GABRG3: variants seen among roughly 807,000 people sequenced by gnomAD.
GABRG3 encodes gamma-aminobutyric acid receptor subunit gamma-3.
A neutral mutation model predicts 48.8 loss-of-function variants in GABRG3; 25 were observed. The observed-to-expected ratio is 0.51, with a 90% CI of 0.37 to 0.72. The LOEUF is 0.72. GABRG3 is among the 30% of genes least tolerant of loss of function. GABRG3 has a pLI of 0.00. For missense variants in GABRG3, 394 were observed against 577.9 expected (o/e 0.68, Z 3.26); for synonymous variants, 227 against 217.6 (o/e 1.04, Z -0.38).
chr15:27,452,490 T>G (rs1289217441), intron 5 of GABRG3, among the ~76,000 whole-genome samples: 6 of 152,322 alleles, frequency 3.9e-5, no homozygotes, highest in Admixed American at 2.6e-4. Flanking sequence ...TACTGTTGAC[T>G]GAGAGCCCTA....
intron 3 of GABRG3, among the ~76,000 whole-genome samples, chr15:27,305,121 G>A (rs115927555): frequency 0.016 from 2,401 of 151,846 alleles, 71 homozygotes; most frequent in African/African-American, 0.056. Context: ...TATGGTGTAA[G>A]GCAACAGTCC....
At chr15:27,091,285 C>T (rs544115849) in intron 3 of GABRG3, among the ~76,000 whole-genome samples, 1 of 152,204 alleles carries the variant, frequency 6.6e-6, no homozygotes, top group Admixed American at 6.5e-5. Context: ...ATTGCATTAA[C>T]TTTTTGTATA....
intron 3 of GABRG3, among the ~76,000 whole-genome samples, chr15:27,050,580 A>G (rs1896439849): frequency 6.6e-6 from 1 of 152,182 alleles, no homozygotes; most frequent in Non-Finnish European, 1.5e-5. Flanking sequence ...TGCCCAGGAG[A>G]ACAAGATTTC....
chr15:27,540,689 G>A lies in GABRG3; in HGVS notation c.*7808G>A, dbSNP rs897092848. ...AACTACACAATGTGTTTTCCTTTAC[G>A]TGCAGCTCCGGTACTGAGCAAAAGG... is the stretch of plus-strand genomic sequence containing the variant. On this transcript the variant is annotated 3_prime_UTR_variant, in exon 10 of 10. Transcript: ENST00000615808. 2 of 152,098 alleles carry A rather than the reference G, an allele frequency of 1.3e-5. No homozygotes were observed. The highest frequency in any genetic ancestry group is 1.5e-5 in the Non-Finnish European group (1 of 68,038). The allele number at this position is 152,098 out of a possible 1,614,324, so 9.4% of individuals were successfully genotyped here. A position where few individuals can be genotyped will look rare whatever the true frequency, so the allele number is the denominator to read the frequency against.
intron 6 of GABRG3, among the ~76,000 whole-genome samples, chr15:27,498,782 A>G (rs1474784174): frequency 6.6e-6 from 1 of 152,028 alleles, no homozygotes; most frequent in Non-Finnish European, 1.5e-5. Flanking sequence ...CTGAGATTAC[A>G]GGTGTGAGCC....
At chr15:27,238,795 A>C (rs1047838081) in intron 3 of GABRG3, among the ~76,000 whole-genome samples, 1 of 152,244 alleles carries the variant, frequency 6.6e-6, no homozygotes, top group African/African-American at 2.4e-5. Flanking sequence ...TAGAGTTAGC[A>C]GTAACTTACA....
At chr15:27,384,987 A>G (rs1895878819) in intron 5 of GABRG3, among the ~76,000 whole-genome samples, 1 of 152,184 alleles carries the variant, frequency 6.6e-6, no homozygotes, top group Admixed American at 6.5e-5. Flanking sequence ...ACTTGCATAC[A>G]TCTGTGTAAC....
At chr15:27,013,051 G>A (rs1416275239) in intron 2 of GABRG3, among the ~76,000 whole-genome samples, 1 of 152,152 alleles carries the variant, frequency 6.6e-6, no homozygotes, top group East Asian at 1.9e-4. Context: ...AAATAATTCA[G>A]TGAAAAATAA....
At chr15:27,511,824 AC>A (rs1953230839) in intron 6 of GABRG3, among the ~76,000 whole-genome samples, 1 of 152,214 alleles carries the variant, frequency 6.6e-6, no homozygotes, top group Non-Finnish European at 1.5e-5. Context: ...CCAATGGCAA[AC>A]CGTTCTTACT....
At chr15:27,398,884 A>G (rs549991361) in intron 5 of GABRG3, among the ~76,000 whole-genome samples, 1 of 152,302 alleles carries the variant, frequency 6.6e-6, no homozygotes, top group African/African-American at 2.4e-5. Flanking sequence ...CAGAAGACAC[A>G]CTATTACACT....
At chr15:26,998,584 G>C (rs1895383851) in intron 2 of GABRG3, among the ~76,000 whole-genome samples, 1 of 152,132 alleles carries the variant, frequency 6.6e-6, no homozygotes, top group South Asian at 2.1e-4. Context: ...GGAAGGCCTT[G>C]GTGGAGAAAA....
intron 2 of GABRG3, among the ~76,000 whole-genome samples, chr15:27,009,410 C>T (rs959497779): frequency 1.1e-4 from 16 of 152,232 alleles, no homozygotes; most frequent in Middle Eastern, 3.4e-3. Flanking sequence ...TTGAAAAAAC[C>T]GTTAGGATCC....
intron 3 of GABRG3, among the ~76,000 whole-genome samples, chr15:27,094,929 G>A (rs1161086394): frequency 2.0e-5 from 3 of 152,042 alleles, no homozygotes; most frequent in Non-Finnish European, 4.4e-5. Context: ...ACTGAGAATA[G>A]CATTTTCTAG....
intron 3 of GABRG3, among the ~76,000 whole-genome samples, chr15:27,084,169 A>G (rs1159629153): frequency 5.9e-5 from 9 of 152,204 alleles, no homozygotes; most frequent in Non-Finnish European, 1.5e-5. Context: ...AGATAAACTG[A>G]TGGAATGTTG....
At chr15:27,014,299 T>C (rs1288171689) in intron 2 of GABRG3, among the ~76,000 whole-genome samples, 1 of 151,962 alleles carries the variant, frequency 6.6e-6, no homozygotes, top group African/African-American at 2.4e-5. Flanking sequence ...ATTTCATTTA[T>C]CTCTGTACAA....
At chr15:27,280,918 G>T (rs1444185904) in intron 3 of GABRG3, among the ~76,000 whole-genome samples, 1 of 152,140 alleles carries the variant, frequency 6.6e-6, no homozygotes, top group Non-Finnish European at 1.5e-5. Context: ...TGAGAGAGGG[G>T]TGTTAAAGCC....
At chr15:27,444,786 C>T (rs1288186871) in intron 5 of GABRG3, among the ~76,000 whole-genome samples, 4 of 152,114 alleles carry the variant, frequency 2.6e-5, no homozygotes, top group Non-Finnish European at 5.9e-5. Flanking sequence ...TATACAGTAT[C>T]TTTTATACTT....
At chr15:27,328,961 C>A in intron 5 of GABRG3, 73 bp downstream of exon 5, 1 of 1,219,996 alleles carries the variant, frequency 8.2e-7, no homozygotes, top group Non-Finnish European at 1.2e-6. Context: ...TTCTGTCAAA[C>A]AGTCATGTGA....
chr15:27,215,191 G>A (rs1002053364), intron 3 of GABRG3, among the ~76,000 whole-genome samples: 18 of 152,188 alleles, frequency 1.2e-4, no homozygotes, highest in Admixed American at 1.0e-3. Flanking sequence ...CTTGCAGGGG[G>A]AAGTGAGAAC....
Sources: gnomAD v4.1 joint callset for allele counts (sites outside exome capture counted in the v4.1 genomes callset) on GRCh38, gnomAD v4.1.1 for gene constraint, MANE v1.5 for transcripts, NCBI Gene and HGNC (gene_info 2026-07-23, HGNC 2026-07-21) for gene names.